The following ASAP1 variants were observed in gnomAD, a reference collection of about 807,000 sequenced individuals.
The protein encoded by ASAP1 is arf-GAP with SH3 domain, ANK repeat and PH domain-containing protein 1.
Under a neutral mutation model 145.2 loss-of-function variants are expected in ASAP1, and 43 were observed. The ratio of observed to expected loss-of-function variants is 0.30; its 90% CI spans 0.23 to 0.38. The LOEUF (loss-of-function observed/expected upper bound fraction) is 0.38. Among genes scored for constraint, ASAP1 ranks in the 10% least tolerant of loss-of-function variants. ASAP1 has a pLI of 1.00. For missense variants in ASAP1, 1,018 were observed against 1,355.3 expected, an observed-to-expected ratio of 0.75 and a Z score of 3.91; for synonymous variants, 546 against 515.5, an observed-to-expected ratio of 1.06 and a Z score of -0.80.
At chr8:130,212,463 G>A (rs1020001912) in intron 5 of ASAP1, among the ~76,000 whole-genome samples, 3 of 152,146 alleles carry the variant, frequency 2.0e-5, no homozygotes, top group African/African-American at 7.2e-5. Flanking sequence ...GGTGACAGAG[G>A]CAGGATATTG....
At chr8:130,225,022 G>A (rs1817510566) in intron 4 of ASAP1, among the ~76,000 whole-genome samples, 1 of 152,002 alleles carries the variant, frequency 6.6e-6, no homozygotes, top group African/African-American at 2.4e-5. Context: ...TTTTAATTCT[G>A]GCCACATGTG....
intron 3 of ASAP1, among the ~76,000 whole-genome samples, chr8:130,338,794 G>A (rs1308894531): frequency 1.3e-5 from 2 of 152,204 alleles, no homozygotes. Flanking sequence ...CAGAAATTCT[G>A]ACTTCCTACT....
intron 3 of ASAP1, among the ~76,000 whole-genome samples, chr8:130,278,457 G>T (rs934164431): frequency 6.6e-6 from 1 of 152,124 alleles, no homozygotes; most frequent in Non-Finnish European, 1.5e-5. Context: ...CGTCAGGGTG[G>T]AAACAAAGAA....
chr8:130,101,998 A>T (rs2097529618), intron 24 of ASAP1, among the ~76,000 whole-genome samples: 1 of 151,670 alleles, frequency 6.6e-6, no homozygotes, highest in Admixed American at 6.6e-5. Flanking sequence ...TTTTTTGGTG[A>T]CGTCTTTAGG....
chr8:130,297,273 T>C (rs1034846055), intron 3 of ASAP1, among the ~76,000 whole-genome samples: 6 of 152,188 alleles, frequency 3.9e-5, no homozygotes, highest in Non-Finnish European at 8.8e-5. Context: ...AATCTGTGTA[T>C]ACTCAAGTCC....
At chr8:130,310,924 T>C (rs576080531) in intron 3 of ASAP1, among the ~76,000 whole-genome samples, 2 of 152,310 alleles carry the variant, frequency 1.3e-5, no homozygotes, top group South Asian at 2.1e-4. Context: ...TGTACAAGTT[T>C]GGGACTCAAG....
At chr8:130,379,044 A>AG (rs1827638973) in intron 2 of ASAP1, among the ~76,000 whole-genome samples, 1 of 152,216 alleles carries the variant, frequency 6.6e-6, no homozygotes, top group Admixed American at 6.5e-5. Context: ...ACGGCCAAAA[A>AG]GATGTCTGGG....
At chr8:130,353,403 A>C (rs1448915603) in intron 3 of ASAP1, among the ~76,000 whole-genome samples, 1 of 152,248 alleles carries the variant, frequency 6.6e-6, no homozygotes, top group Non-Finnish European at 1.5e-5. Context: ...AGAACTCTGA[A>C]ATATAAACAT....
intron 3 of ASAP1, among the ~76,000 whole-genome samples, chr8:130,328,477 C>T (rs1334048654): frequency 6.6e-6 from 1 of 152,154 alleles, no homozygotes; most frequent in East Asian, 1.9e-4. Flanking sequence ...CATCTGCCCC[C>T]TGTGGTAGGC....
At chr8:130,271,552 T>G (rs1430572644) in intron 3 of ASAP1, among the ~76,000 whole-genome samples, 3 of 152,234 alleles carry the variant, frequency 2.0e-5, no homozygotes, top group Admixed American at 6.5e-5. Context: ...CAGCTAACTT[T>G]GCAAATTAGC....
At chr8:130,157,345 C>A (rs998527022) in intron 12 of ASAP1, among the ~76,000 whole-genome samples, 3 of 152,156 alleles carry the variant, frequency 2.0e-5, no homozygotes, top group African/African-American at 7.2e-5. Context: ...GATTTTCTTT[C>A]TCTACACCCC....
chr8:130,294,540 A>G (rs1176759465), intron 3 of ASAP1, among the ~76,000 whole-genome samples: 1 of 152,260 alleles, frequency 6.6e-6, no homozygotes, highest in African/African-American at 2.4e-5. Flanking sequence ...GGGGACAGCA[A>G]TAGCACCTTC....
At position 130,060,942 on chromosome 8, in the gene ASAP1, G is replaced by T; in HGVS notation, c.2829C>A (p.Pro943=). 6.2e-7 allele frequency: 1 copy of T among 1,607,224 alleles called. No individual in the cohort carries two copies. The highest frequency in any genetic ancestry group is 8.5e-7 in the Non-Finnish European group (1 of 1,176,314). ...TTTGGGGCTTGGGGGCCAGTTCTGT[G>T]GGCTTTGGGGGCAGGTCTCCAGGTG... The part of the protein sequence containing the change: ...KPPPGDLPPK[P]TELAPKPQIG... The change falls in exon 28 of 30, where the codon CCC becomes CCA. Residue 943 remains proline, a synonymous_variant. Transcript: ENST00000518721.
At chr8:130,226,703 G>T (rs1399331876) in intron 4 of ASAP1, among the ~76,000 whole-genome samples, 1 of 152,150 alleles carries the variant, frequency 6.6e-6, no homozygotes, top group Admixed American at 6.6e-5. Flanking sequence ...AGAGCCCCAA[G>T]AAAAGATACT....
At chr8:130,184,899 A>G (rs1300859215) in intron 7 of ASAP1, among the ~76,000 whole-genome samples, 4 of 152,188 alleles carry the variant, frequency 2.6e-5, no homozygotes, top group East Asian at 1.9e-4. Flanking sequence ...TTATTTTACA[A>G]GTAAGGATCA....
chr8:130,189,276 A>G (rs1224605517), intron 5 of ASAP1, among the ~76,000 whole-genome samples: 2 of 152,020 alleles, frequency 1.3e-5, no homozygotes, highest in Non-Finnish European at 2.9e-5. Flanking sequence ...ATCTAACTGT[A>G]TTTTTGTACC....
intron 1 of ASAP1, among the ~76,000 whole-genome samples, chr8:130,413,236 G>GT (rs1254391826): frequency 1.3e-5 from 2 of 152,198 alleles, no homozygotes; most frequent in African/African-American, 4.8e-5. Flanking sequence ...TCTGCTGCAT[G>GT]TATTTCCCTT....
rs540145857 is a variant in ASAP1 at position 130,354,920 on chromosome 8, C to T, written c.186+3097G>A. ...ACCATTTTTGAGACGTAGCCTCACT[C>T]TGTCGCCTAACCTGGTGTGCAGTGG... On this transcript the variant is annotated intron_variant, in intron 3 of 29. Coordinates refer to ENST00000518721, the MANE Select transcript of ASAP1 (RefSeq NM_018482.4). 2.6e-5 allele frequency among the ~76,000 whole-genome samples: 4 copies of T among 152,358 alleles called. No individual in the cohort carries two copies. In the South Asian group the frequency reaches 8.3e-4, roughly 32 times the overall value.
At chr8:130,424,850 G>A (rs763797512) in intron 1 of ASAP1, among the ~76,000 whole-genome samples, 14 of 151,912 alleles carry the variant, frequency 9.2e-5, no homozygotes, top group East Asian at 1.9e-4. Context: ...AAAATTAGCC[G>A]GGCATGGTGG....
Sources: gnomAD v4.1 joint callset for allele counts (sites outside exome capture counted in the v4.1 genomes callset) on GRCh38, gnomAD v4.1.1 for gene constraint, MANE v1.5 for transcripts, NCBI Gene and HGNC (gene_info 2026-07-23, HGNC 2026-07-21) for gene names.